The following SNX24 variants were observed in gnomAD, a reference collection of about 807,000 sequenced individuals.
The protein encoded by SNX24 is sorting nexin 24.
In SNX24, 22 loss-of-function variants were observed where a neutral mutation model predicts 28.7. That is an observed-to-expected ratio of 0.77 (90% confidence interval 0.55 to 1.10). The LOEUF (loss-of-function observed/expected upper bound fraction) is 1.10, where lower values mean the gene tolerates loss of function less well. Among genes scored for constraint, SNX24 ranks in the 50% least tolerant of loss-of-function variants. The pLI is 0.00. For synonymous variants in SNX24, 69 were observed against 71.5 expected, an observed-to-expected ratio of 0.96 and a Z score of 0.18; for missense variants, 221 against 201.1, an observed-to-expected ratio of 1.10 and a Z score of -0.60.
chr5:123,020,028 C>T (rs1762740045), intron 5 of SNX24, among the ~76,000 whole-genome samples: 1 of 152,192 alleles, frequency 6.6e-6, no homozygotes, highest in Non-Finnish European at 1.5e-5. Context: ...CAAAATGAAG[C>T]ACTTTTTGCC....
intron 1 of SNX24, among the ~76,000 whole-genome samples, chr5:122,923,676 C>T (rs1207541764): frequency 6.6e-6 from 1 of 152,174 alleles, no homozygotes; most frequent in East Asian, 1.9e-4. Flanking sequence ...AGATGCTGTT[C>T]CCAAGCAACC....
Position 122,956,236 on chromosome 5 carries a change from G to A in SNX24, c.249+10077G>A, listed in dbSNP as rs149488884. ...CGTTCTATTATATGTGGTGCCAGCC[G>A]CTTCCTGGGAGCAGTGAACAGTGTC... On this transcript the variant is annotated intron_variant, in intron 3 of 6. Coordinates refer to ENST00000261369, the MANE Select transcript of SNX24 (RefSeq NM_014035.4). Among the ~76,000 whole-genome samples, 507 of 152,120 alleles carry A rather than the reference G, an allele frequency of 3.3e-3. 4 individuals are homozygous for A. Among genetic ancestry groups the A allele is most frequent in the African/African-American group, 0.012 (483 of 41,504 alleles).
At chr5:122,846,799 A>G (rs1449422661) in intron 1 of SNX24, among the ~76,000 whole-genome samples, 4 of 152,204 alleles carry the variant, frequency 2.6e-5, no homozygotes, top group African/African-American at 9.7e-5. Flanking sequence ...ACAAGTTGTT[A>G]AAGTGCTTTC....
intron 3 of SNX24, among the ~76,000 whole-genome samples, chr5:122,964,273 GAAC>G (rs1760623083): frequency 1.1e-5 from 1 of 91,212 alleles, no homozygotes; most frequent in African/African-American, 4.1e-5. Context: ...AAAAAAAAAA[GAAC>G]AATAGTTCTG....
chr5:122,868,740 C>T (rs755758745), intron 1 of SNX24, among the ~76,000 whole-genome samples: 3 of 152,116 alleles, frequency 2.0e-5, no homozygotes, highest in Non-Finnish European at 4.4e-5. Flanking sequence ...CTCCGAGATT[C>T]AAAGAGGTCC....
intron 3 of SNX24, among the ~76,000 whole-genome samples, chr5:122,980,126 T>C (rs1761332199): frequency 6.6e-6 from 1 of 152,154 alleles, no homozygotes. Context: ...TCATAAAACA[T>C]ACATTTTATT....
At chr5:122,952,783 C>T (rs1760007589) in intron 3 of SNX24, among the ~76,000 whole-genome samples, 1 of 152,150 alleles carries the variant, frequency 6.6e-6, no homozygotes, top group African/African-American at 2.4e-5. Context: ...AAGGAACAAT[C>T]CAAGAACACA....
intron 1 of SNX24, among the ~76,000 whole-genome samples, chr5:122,910,860 G>A (rs1324885600): frequency 1.2e-4 from 19 of 152,068 alleles, no homozygotes; most frequent in East Asian, 1.9e-4. Flanking sequence ...TCTTAATCCA[G>A]TGTATCGTTG....
At chr5:122,859,652 T>C (rs1047222354) in intron 1 of SNX24, among the ~76,000 whole-genome samples, 13 of 152,086 alleles carry the variant, frequency 8.5e-5, no homozygotes, top group Admixed American at 6.6e-4. Context: ...CTCTGTAAAA[T>C]ATTTGAGGAT....
At chr5:122,881,168 C>T (rs1756463881) in intron 1 of SNX24, among the ~76,000 whole-genome samples, 1 of 152,058 alleles carries the variant, frequency 6.6e-6, no homozygotes. Flanking sequence ...ATTGGAGAAT[C>T]ATTTAATTTC....
At chr5:122,979,316 A>G (rs768929310) in intron 3 of SNX24, among the ~76,000 whole-genome samples, 6 of 152,200 alleles carry the variant, frequency 3.9e-5, no homozygotes, top group African/African-American at 9.6e-5. Flanking sequence ...CATGGCTTAC[A>G]CTTTGGTTCT....
At chr5:122,894,390 T>C (rs1436055247) in intron 1 of SNX24, among the ~76,000 whole-genome samples, 1 of 152,142 alleles carries the variant, frequency 6.6e-6, no homozygotes, top group East Asian at 1.9e-4. Flanking sequence ...TCATAAATAA[T>C]GTCATATTAT....
In SNX24 at chr5:122,964,870, C is replaced by T. The variant is rs1228964915; in HGVS notation, c.249+18711C>T. On this transcript the variant is annotated intron_variant, in intron 3 of 6. Coordinates refer to ENST00000261369, the MANE Select transcript of SNX24 (RefSeq NM_014035.4). Reference sequence around the variant, plus strand: ...GGATTCTTTTGTAAAACAATTCTAACAAAGGCTCCATAATATCCTATACTG... The same window carrying T: ...GGATTCTTTTGTAAAACAATTCTAATAAAGGCTCCATAATATCCTATACTG... Among the ~76,000 whole-genome samples, 12 of 152,266 alleles carry T rather than the reference C, an allele frequency of 7.9e-5. No homozygotes were observed. The East Asian group carries it at 2.1e-3, about 27-fold the overall frequency.
chr5:123,022,275 C>A (rs943773122), intron 5 of SNX24: 1 of 152,172 alleles, frequency 6.6e-6, no homozygotes, highest in African/African-American at 2.4e-5. Context: ...TAGGAATACT[C>A]AGTTCATCTC....
intron 1 of SNX24, among the ~76,000 whole-genome samples, chr5:122,921,144 T>G (rs1758413974): frequency 6.6e-6 from 1 of 152,102 alleles, no homozygotes; most frequent in Non-Finnish European, 1.5e-5. Flanking sequence ...ATGGACTCTG[T>G]AGCCTGCTTT....
At chr5:122,907,003 G>A (rs923748013) in intron 1 of SNX24, among the ~76,000 whole-genome samples, 1 of 152,066 alleles carries the variant, frequency 6.6e-6, no homozygotes, top group Admixed American at 6.5e-5. Context: ...TGATTTAAGT[G>A]GTGCCTAGAC....
At chr5:122,889,088 A>G (rs903284873) in intron 1 of SNX24, among the ~76,000 whole-genome samples, 2 of 152,142 alleles carry the variant, frequency 1.3e-5, no homozygotes, top group African/African-American at 4.8e-5. Context: ...CCTGATCTCA[A>G]TTGATCTGCC....
At chr5:122,960,364 G>A (rs1181015823) in intron 3 of SNX24, among the ~76,000 whole-genome samples, 1 of 152,096 alleles carries the variant, frequency 6.6e-6, no homozygotes, top group African/African-American at 2.4e-5. Flanking sequence ...CTAGTTTGTA[G>A]CACTAAACTA....
chr5:123,028,195 C>T (rs1347506752), intron 5 of SNX24, among the ~76,000 whole-genome samples: 2 of 152,200 alleles, frequency 1.3e-5, no homozygotes, highest in Non-Finnish European at 2.9e-5. Context: ...TGTAACCCAA[C>T]ATTTTAGAAC....
Sources: allele counts gnomAD v4.1 joint callset (sites outside exome capture counted in the v4.1 genomes callset), GRCh38; gene constraint gnomAD v4.1.1; transcripts MANE v1.5; gene names NCBI Gene and HGNC (gene_info 2026-07-23, HGNC 2026-07-21).